Variants in COL13A1 observed in about 807,000 individuals in gnomAD.
COL13A1 encodes the protein collagen alpha-1(XIII) chain.
Under a neutral mutation model 130.9 loss-of-function variants are expected in COL13A1, and 89 were observed. The ratio of observed to expected loss-of-function variants is 0.68; its 90% CI spans 0.57 to 0.81. The LOEUF (loss-of-function observed/expected upper bound fraction) is 0.81. Ranked by LOEUF, COL13A1 falls within the 30% of genes least tolerant of loss-of-function variation. The probability of loss-of-function intolerance (pLI) is 0.00; values close to 1 mark genes in which losing one functional copy is unlikely to be tolerated. For missense variants in COL13A1, 879 were observed against 934.6 expected (o/e 0.94, Z 0.78); for synonymous variants, 402 against 341.6 (o/e 1.18, Z -1.95).
intron 14 of COL13A1, among the ~76,000 whole-genome samples, chr10:69,901,208 C>T (rs1343269089): frequency 1.3e-5 from 2 of 152,164 alleles, no homozygotes; most frequent in African/African-American, 2.4e-5. Flanking sequence ...GCAGTCAGGG[C>T]AGCTGCCACA....
chr10:69,937,588 C>A, intron 33 of COL13A1, 47 bp from the exon 34 acceptor site: 1 of 905,316 alleles, frequency 1.1e-6, no homozygotes, highest in Non-Finnish European at 1.9e-6. Context: ...AATGAATTGT[C>A]TGGGACATGT....
intron 23 of COL13A1, among the ~76,000 whole-genome samples, chr10:69,923,186 C>T (rs182343854): frequency 3.9e-5 from 6 of 152,306 alleles, no homozygotes; most frequent in African/African-American, 1.2e-4. Flanking sequence ...GGCCTTAGGA[C>T]AGGCAAGAGG....
chr10:69,959,076 G>T lies in COL13A1; in HGVS notation c.*375G>T. On this transcript the variant is annotated 3_prime_UTR_variant, in exon 41 of 41. Coordinates refer to ENST00000645393, the MANE Select transcript of COL13A1 (RefSeq NM_001368882.1). Reference sequence around the variant, plus strand: ...TGTAGAGGTCCATGATATTTGCTAAGCTAGGTGTGTCTAAGAGTATTTTAA... The same window carrying T: ...TGTAGAGGTCCATGATATTTGCTAATCTAGGTGTGTCTAAGAGTATTTTAA... 1 of 209,608 alleles carries T rather than the reference G, an allele frequency of 4.8e-6. No individual in the cohort carries two copies. The highest frequency in any genetic ancestry group is 2.3e-5 in the African/African-American group (1 of 43,250). The allele number at this position is 209,608 out of a possible 1,614,324, so 13.0% of individuals were successfully genotyped here.
At chr10:69,913,769 C>A (rs1050405936) in intron 17 of COL13A1, among the ~76,000 whole-genome samples, 3 of 152,000 alleles carry the variant, frequency 2.0e-5, no homozygotes, top group Non-Finnish European at 4.4e-5. Context: ...GGAGACAAGC[C>A]CCAGGGAGTG....
chr10:69,923,480 A>C (rs184072297), intron 23 of COL13A1, among the ~76,000 whole-genome samples: 80 of 152,356 alleles, frequency 5.3e-4, no homozygotes, highest in African/African-American at 1.8e-3. Context: ...CAATACACTC[A>C]TTCATTCCGC....
Position 69,917,285 on chromosome 10 carries a change from C to T in COL13A1, c.922-4C>T. The T allele has an allele frequency of 6.2e-7, 1 of 1,613,682 alleles. No individual in the cohort carries two copies. Among genetic ancestry groups the T allele is most frequent in the South Asian group, 1.1e-5 (1 of 91,030 alleles). ...TCCTCATGCTTTCTCATTTCTTCCTCCAGGGAGAACGGGGCATGCCAGGGA... is the reference window on the plus strand; with the variant it reads ...TCCTCATGCTTTCTCATTTCTTCCTTCAGGGAGAACGGGGCATGCCAGGGA... On this transcript the variant is annotated splice_region_variant and splice_polypyrimidine_tract_variant and intron_variant, in intron 17 of 40. Transcript: ENST00000645393.
rs1423996474 is a variant in COL13A1 at position 69,930,047 on chromosome 10, A to T, written c.1490A>T (p.Glu497Val). 1 of 1,613,528 alleles carries T rather than the reference A, an allele frequency of 6.2e-7. No homozygotes were observed. ...CTTTAGTTGTTCCGGTTACAGGGGG[A>T]GATTGGACTGCCAGGCCCTCCAGGA... ...GAPGIPGQKG[E>V]IGLPGPPGHD... The change falls in exon 29 of 41, where the codon GAG becomes GTG. Residue 497 changes from glutamate (E) to valine (V), a missense_variant. Coordinates refer to ENST00000645393, the MANE Select transcript of COL13A1 (RefSeq NM_001368882.1).
intron 1 of COL13A1, among the ~76,000 whole-genome samples, chr10:69,820,176 GC>G (rs1845694256): frequency 6.6e-6 from 1 of 152,152 alleles, no homozygotes; most frequent in African/African-American, 2.4e-5. Flanking sequence ...ATTTATCACT[GC>G]CTGTTACACA....
chr10:69,824,783 C>G (rs1275623726), intron 2 of COL13A1, among the ~76,000 whole-genome samples: 1 of 152,198 alleles, frequency 6.6e-6, no homozygotes, highest in African/African-American at 2.4e-5. Context: ...TCTAAAAAGG[C>G]AGTTTGGCCC....
In COL13A1 at chr10:69,950,083, A is replaced by G. The variant is rs1368215570; in HGVS notation, c.2058+2741A>G. ...ACTATCTCTTTTGGCCTCTTCCTTT[A>G]CTGCTTCTCCCCCCAGATATGTTCA... On this transcript the variant is annotated intron_variant, in intron 38 of 40. Coordinates refer to ENST00000645393, the MANE Select transcript of COL13A1 (RefSeq NM_001368882.1). Among the ~76,000 whole-genome samples, 39 of 150,952 alleles carry G rather than the reference A, an allele frequency of 2.6e-4. 1 individual carries two copies. Among genetic ancestry groups the G allele is most frequent in the African/African-American group, 4.9e-5 (2 of 40,844 alleles).
At chr10:69,957,886 C>T (rs990257843) in intron 40 of COL13A1, among the ~76,000 whole-genome samples, 1 of 152,160 alleles carries the variant, frequency 6.6e-6, no homozygotes, top group African/African-American at 2.4e-5. Context: ...CATAAAGGGA[C>T]CGGAGACTCC....
intron 38 of COL13A1, among the ~76,000 whole-genome samples, chr10:69,950,111 C>T (rs1241398057): frequency 1.3e-5 from 2 of 151,714 alleles, no homozygotes; most frequent in Non-Finnish European, 2.9e-5. Context: ...TATGTTCATT[C>T]CGTTATAATA....
At chr10:69,887,314 A>C in intron 7 of COL13A1, 142 bp from the exon 8 acceptor site, 1 of 785,276 alleles carries the variant, frequency 1.3e-6, no homozygotes, top group Non-Finnish European at 2.1e-6. Context: ...CTTCCCTCCC[A>C]ACCCACTAAC....
intron 14 of COL13A1, among the ~76,000 whole-genome samples, chr10:69,899,090 T>C (rs1365284846): frequency 6.6e-6 from 1 of 152,190 alleles, no homozygotes; most frequent in Non-Finnish European, 1.5e-5. Flanking sequence ...TATTTCACGA[T>C]GAGGAAATCG....
intron 7 of COL13A1, 101 bp from the exon 8 acceptor site, chr10:69,887,355 C>T (rs1008137795): frequency 1.6e-6 from 2 of 1,263,446 alleles, no homozygotes; most frequent in Non-Finnish European, 1.1e-6. Context: ...GACGATCACA[C>T]AAAGTGAGAG....
At chr10:69,918,924 C>G in intron 19 of COL13A1, 138 bp from the exon 20 acceptor site, 8 of 976,260 alleles carry the variant, frequency 8.2e-6, no homozygotes, top group African/African-American at 1.6e-5. Context: ...GATGCCTGAA[C>G]AGAGAAGAGC....
rs770376609 is a variant in COL13A1 at position 69,933,280 on chromosome 10, G to A, written c.1728+676G>A. Among the ~76,000 whole-genome samples, 7 of 151,954 alleles carry A rather than the reference G, an allele frequency of 4.6e-5. No individual in the cohort carries two copies. The South Asian group carries it at 1.0e-3, about 23-fold the overall frequency. On this transcript the variant is annotated intron_variant, in intron 31 of 40. Transcript: ENST00000645393. ...CTTTCTATTTGGGCAGAGTCTTGAC[G>A]GCTTTGTAGGAGTTTGCCACAAAGT...
intron 39 of COL13A1, chr10:69,956,731 A>T: frequency 5.0e-6 from 2 of 398,942 alleles, no homozygotes; most frequent in Non-Finnish European, 9.4e-6. Context: ...GCACGGAAGG[A>T]CATCTCTGCT....
chr10:69,951,891 AG>A (rs141467994), intron 38 of COL13A1, among the ~76,000 whole-genome samples: 44 of 152,320 alleles, frequency 2.9e-4, no homozygotes, highest in African/African-American at 1.1e-3. Flanking sequence ...GGGAGCTCCC[AG>A]GAAGACTCCC....
Sources: allele counts gnomAD v4.1 joint callset (sites outside exome capture counted in the v4.1 genomes callset), GRCh38; gene constraint gnomAD v4.1.1; transcripts MANE v1.5; gene names NCBI Gene and HGNC (gene_info 2026-07-23, HGNC 2026-07-21).